Variants in TRPC3 observed in about 807,000 individuals in gnomAD.
The protein encoded by TRPC3 is transient receptor potential cation channel subfamily C member 3.
In TRPC3, 54 loss-of-function variants were observed where a neutral mutation model predicts 90.9. That is an observed-to-expected ratio of 0.59 (90% CI 0.48 to 0.75). The LOEUF (loss-of-function observed/expected upper bound fraction) is 0.75. Among genes scored for constraint, TRPC3 ranks in the 30% least tolerant of loss-of-function variants. The probability of loss-of-function intolerance (pLI) is 0.00; values close to 1 mark genes in which losing one functional copy is unlikely to be tolerated. For synonymous variants in TRPC3, 424 were observed against 450.9 expected (o/e 0.94, Z 0.75); for missense variants, 918 against 1,194.5 (o/e 0.77, Z 3.41).
chr4:121,929,155 C>T (rs577212863), intron 2 of TRPC3, among the ~76,000 whole-genome samples: 2 of 152,312 alleles, frequency 1.3e-5, no homozygotes, highest in South Asian at 4.1e-4. Context: ...GACTGGGACT[C>T]AAGACACTCA....
intron 1 of TRPC3, among the ~76,000 whole-genome samples, chr4:121,945,784 G>A (rs1181402453): frequency 6.6e-6 from 1 of 152,112 alleles, no homozygotes; most frequent in East Asian, 1.9e-4. Flanking sequence ...GATACCAGGG[G>A]GGCAGGAACT....
At chr4:121,897,647 C>CA (rs36070208) in intron 10 of TRPC3, among the ~76,000 whole-genome samples, 41,183 of 147,228 alleles carry the variant, frequency 0.28, 6,491 homozygotes, top group East Asian at 0.43. Context: ...ATCAAAAAGA[C>CA]AAAAAAAAAA....
At chr4:121,883,135 A>C (rs1367420136) in intron 10 of TRPC3, among the ~76,000 whole-genome samples, 2 of 152,122 alleles carry the variant, frequency 1.3e-5, no homozygotes, top group Non-Finnish European at 2.9e-5. Context: ...GAACACAAAA[A>C]TTAATTCCAT....
Position 121,951,637 on chromosome 4 carries a change from G to A in TRPC3, c.44C>T (p.Thr15Ile), listed in dbSNP as rs372659964. The A allele has an allele frequency of 1.4e-6, 2 of 1,422,392 alleles. No homozygotes were observed. Among genetic ancestry groups the A allele is most frequent in the Non-Finnish European group, 1.9e-6 (2 of 1,079,478 alleles). 88.1% of individuals were successfully genotyped at this position (1,422,392 alleles called of 1,614,324 possible). ...TTCCTCCTCCTCCGGCGCCGGGAAG[G>A]TCACCCTTGCTTGTTCTTTGCACTT... ...VRKCKEQARV[T>I]FPAPEEEEDE... Residue 15 changes from threonine to isoleucine, a missense_variant, in exon 1 of 12, where the codon ACC (threonine) becomes ATC (isoleucine). Thr to Ile is a moderately conservative substitution (Grantham distance 89). Around this residue, in one of 4 missense-constraint regions of TRPC3, gnomAD observed 609 missense variants for 725.9 expected, o/e 0.84. Coordinates refer to ENST00000379645, the MANE Select transcript of TRPC3 (RefSeq NM_001130698.2). This position sits in a 1 kb window ranked among gnomAD's most constrained non-coding sequence, Gnocchi z 4.4.
At chr4:121,909,860 ATTATC>A (rs535890138) in intron 6 of TRPC3, among the ~76,000 whole-genome samples, 118 of 152,216 alleles carry the variant, frequency 7.8e-4, no homozygotes, top group African/African-American at 2.7e-3. Flanking sequence ...CCCAATAGTA[ATTATC>A]TTATAGGCTT....
Position 121,904,356 on chromosome 4 carries a change from A to G in TRPC3, c.2219T>C (p.Ile740Thr). 1 of 1,600,466 alleles carries G rather than the reference A, an allele frequency of 6.2e-7. No homozygotes were observed. The highest frequency in any genetic ancestry group is 8.5e-7 in the Non-Finnish European group (1 of 1,176,740). ...TTGATATGAGCTATTAATCATAGCA[A>G]TTAGCATGTTGAGTAAAACGACCAC... is the stretch of plus-strand genomic sequence containing the variant. ...TMVVVLLNML[I>T]AMINSSYQEI... Residue 740 changes from isoleucine to threonine, a missense_variant, in exon 8 of 12, where the codon ATT (isoleucine) becomes ACT (threonine). Physicochemically the swap from Ile to Thr is moderately conservative, Grantham distance 89. Transcript: ENST00000379645.
At chr4:121,933,338 C>T (rs1730020936) in intron 1 of TRPC3, 1 of 293,344 alleles carries the variant, frequency 3.4e-6, no homozygotes, top group South Asian at 1.3e-4. Flanking sequence ...CCCATGCCTT[C>T]CTTGTGACCC....
intron 10 of TRPC3, among the ~76,000 whole-genome samples, chr4:121,898,546 G>A (rs951970864): frequency 6.6e-6 from 1 of 152,142 alleles, no homozygotes; most frequent in Non-Finnish European, 1.5e-5. Context: ...TGAAAAAATT[G>A]TCTTCCACAA....
At chr4:121,926,989 TTATAGCGAA>T (rs1729741426) in intron 2 of TRPC3, among the ~76,000 whole-genome samples, 1 of 152,182 alleles carries the variant, frequency 6.6e-6, no homozygotes, top group Non-Finnish European at 1.5e-5. Context: ...AATAACTGGT[TTATAGCGAA>T]TGTAGAGAGG....
chr4:121,951,451 G>C lies in TRPC3; in HGVS notation c.215+15C>G. On this transcript the variant is annotated intron_variant, in intron 1 of 11. Coordinates refer to ENST00000379645, the MANE Select transcript of TRPC3 (RefSeq NM_001130698.2). The surrounding 1 kb of genome is among the most constrained non-coding windows in gnomAD (Gnocchi z 4.4). ...GCCCTCCGAGGCGCGGGCCGCGGCCGGGCCCGGTACTCACAGGTCCGGCCC... is the reference window on the plus strand; with the variant it reads ...GCCCTCCGAGGCGCGGGCCGCGGCCCGGCCCGGTACTCACAGGTCCGGCCC... 2 of 1,203,570 alleles carry C rather than the reference G, an allele frequency of 1.7e-6. No individual in the cohort carries two copies. 74.6% of individuals were successfully genotyped at this position (1,203,570 alleles called of 1,614,324 possible). A position where few individuals can be genotyped will look rare whatever the true frequency, so the allele number is the denominator to read the frequency against.
chr4:121,890,921 G>A (rs867519966), intron 10 of TRPC3, among the ~76,000 whole-genome samples: 31 of 152,110 alleles, frequency 2.0e-4, no homozygotes, highest in Non-Finnish European at 2.6e-4. Flanking sequence ...AACCTGGGAG[G>A]TGGAGATTGC....
chr4:121,911,981 G>C lies in TRPC3; in HGVS notation c.1454C>G (p.Thr485Ser). Reference protein sequence around the residue: ...FNASDRFEGITTLPNITVTDY... With the variant: ...FNASDRFEGISTLPNITVTDY... ...AGTAACTGTGATATTGGGCAGCGTG[G>C]TGATGCCTTCGAACCTGTCTGAGGC... Residue 485 changes from threonine (T) to serine (S), a missense_variant, in exon 5 of 12, where the codon ACC becomes AGC. Thr to Ser is a moderately conservative substitution (Grantham distance 58, BLOSUM62 1). Around this residue, in one of 4 missense-constraint regions of TRPC3, gnomAD observed 609 missense variants for 725.9 expected, o/e 0.84. Transcript: ENST00000379645. 1 of 1,613,930 alleles carries C rather than the reference G, an allele frequency of 6.2e-7. No individual in the cohort carries two copies. Among genetic ancestry groups the C allele is most frequent in the Non-Finnish European group, 8.5e-7 (1 of 1,179,872 alleles).
intron 2 of TRPC3, among the ~76,000 whole-genome samples, chr4:121,926,696 C>T (rs565273556): frequency 6.6e-6 from 1 of 152,286 alleles, no homozygotes; most frequent in Admixed American, 6.5e-5. Context: ...CATGAGTCAC[C>T]GCACCCGGCC....
In TRPC3 at chr4:121,935,818, GA is replaced by G. The variant is rs549365802; in HGVS notation, c.216-2777del. On this transcript the variant is annotated intron_variant, in intron 1 of 11. Transcript: ENST00000379645. ...TAATTTAATGATTGCTATCTACAGG[GA>G]AAAATCACTTATAAAAATCTTACTA... 2.6e-3 allele frequency among the ~76,000 whole-genome samples: 401 copies of G among 152,102 alleles called. 2 individuals carry two copies. Among genetic ancestry groups the G allele is most frequent in the Non-Finnish European group, 4.5e-3 (307 of 67,980 alleles).
chr4:121,894,563 T>TTG (rs1728447361), intron 10 of TRPC3, among the ~76,000 whole-genome samples: 1 of 130,472 alleles, frequency 7.7e-6, no homozygotes, highest in African/African-American at 2.8e-5. Context: ...CTGTTTTTTT[T>TTG]TTTTTTTTTT....
intron 3 of TRPC3, among the ~76,000 whole-genome samples, chr4:121,923,683 T>C (rs1025565426): frequency 6.6e-6 from 1 of 152,212 alleles, no homozygotes; most frequent in Non-Finnish European, 1.5e-5. Context: ...AGTGAGCAGA[T>C]GGAGGCTTGG....
chr4:121,902,336 TCTTG>T (rs2149118042), intron 9 of TRPC3, among the ~76,000 whole-genome samples: 1 of 152,312 alleles, frequency 6.6e-6, no homozygotes, highest in South Asian at 2.1e-4. Flanking sequence ...CTCAAGGGTT[TCTTG>T]CTTATTTATA....
chr4:121,934,973 T>A (rs1177692086), intron 1 of TRPC3, among the ~76,000 whole-genome samples: 2 of 152,236 alleles, frequency 1.3e-5, no homozygotes, highest in African/African-American at 4.8e-5. Flanking sequence ...TTTTAAAAAT[T>A]AAATAAACAT....
At chr4:121,925,249 T>G in intron 2 of TRPC3, 43 bp from the exon 3 acceptor site, 2 of 1,564,218 alleles carry the variant, frequency 1.3e-6, no homozygotes, top group South Asian at 1.2e-5. Flanking sequence ...ATAATTTGCT[T>G]TTATTCAGTG....
Sources: gnomAD v4.1 joint callset for allele counts (sites outside exome capture counted in the v4.1 genomes callset) on GRCh38, gnomAD v4.1.1 for gene constraint, gnomAD v4.1.1 regional missense constraint, Gnocchi (gnomAD v3.1) non-coding constraint, MANE v1.5 for transcripts, NCBI Gene and HGNC (gene_info 2026-07-23, HGNC 2026-07-21) for gene names.